Variants in PCDHA11 observed in about 807,000 individuals in gnomAD.
The protein encoded by PCDHA11 is protocadherin alpha 11.
PCDHA11 carries 61 observed loss-of-function variants against 70.3 expected under a neutral mutation model. That is an observed-to-expected ratio of 0.87 (90% CI 0.71 to 1.07). The LOEUF is 1.07. Ranked by LOEUF, PCDHA11 falls within the 50% of genes least tolerant of loss-of-function variation. The probability of loss-of-function intolerance (pLI) is 0.00; values close to 1 mark genes in which losing one functional copy is unlikely to be tolerated. For missense variants in PCDHA11, 1,324 were observed against 1,237.5 expected, an observed-to-expected ratio of 1.07 and a Z score of -1.05; for synonymous variants, 633 against 555.1, an observed-to-expected ratio of 1.14 and a Z score of -1.97.
chr5:140,957,555 A>G (rs911734380), intron 1 of PCDHA11, among the ~76,000 whole-genome samples: 4 of 152,120 alleles, frequency 2.6e-5, no homozygotes, highest in Admixed American at 2.6e-4. Flanking sequence ...TTCTCTGTGG[A>G]AAAGGAGGGA....
chr5:140,868,985 C>A lies in PCDHA11; in HGVS notation c.-119C>A. The A allele has an allele frequency of 1.3e-6, 2 of 1,500,940 alleles. No homozygotes were observed. Among genetic ancestry groups the A allele is most frequent in the Non-Finnish European group, 1.8e-6 (2 of 1,123,416 alleles). The allele number at this position is 1,500,940 out of a possible 1,614,324, so 93.0% of individuals were successfully genotyped here. On this transcript the variant is annotated 5_prime_UTR_variant, in exon 1 of 4. Coordinates refer to ENST00000398640, the MANE Select transcript of PCDHA11 (RefSeq NM_018902.5). ...CAAAGGAACTCCATCATACCGGATG[C>A]CACCGTTTAAGGATCCTTTGAAACT...
rs146492633 is a variant in PCDHA11 at position 140,900,696 on chromosome 5, G to A, written c.2391+29202G>A. Among the ~76,000 whole-genome samples the A allele has an allele frequency of 2.2e-4, 33 of 152,256 alleles. No homozygotes were observed. The East Asian group carries it at 5.8e-3, about 27-fold the overall frequency. ...TTATCTCTTCAATATACTGATTTCC[G>A]TTCTTTTGGAAAGAAAGGAAATCCT... is the stretch of plus-strand genomic sequence containing the variant. On this transcript the variant is annotated intron_variant, in intron 1 of 3. Transcript: ENST00000398640.
In PCDHA11 at chr5:140,870,253, G is replaced by A. The variant is rs782678686; in HGVS notation, c.1150G>A (p.Val384Met). The A allele has an allele frequency of 1.2e-6, 2 of 1,614,196 alleles. No individual in the cohort carries two copies. Among genetic ancestry groups the A allele is most frequent in the Non-Finnish European group, 1.7e-6 (2 of 1,180,024 alleles). The change falls in exon 1 of 4, where the codon GTG becomes ATG. Residue 384 changes from valine (V) to methionine (M), a missense_variant. Coordinates refer to ENST00000398640, the MANE Select transcript of PCDHA11 (RefSeq NM_018902.5). The part of the protein sequence containing the change: ...SDRDSGVNGQ[V>M]TCSLTPHVPF... ...CCGTGACTCAGGTGTCAACGGACAG[G>A]TGACCTGCTCGCTGACGCCCCACGT...
chr5:140,943,603 G>A (rs1554215788), intron 1 of PCDHA11, among the ~76,000 whole-genome samples: 1 of 152,100 alleles, frequency 6.6e-6, no homozygotes, highest in African/African-American at 2.4e-5. Context: ...TCTAAATATA[G>A]ACTTTGATTC....
Position 140,869,920 on chromosome 5 carries a change from G to GTC in PCDHA11, c.818_819dup (p.Asn274SerfsTer5). 1 of 1,611,398 alleles carries GTC rather than the reference G, an allele frequency of 6.2e-7. No individual in the cohort carries two copies. Among genetic ancestry groups the GTC allele is most frequent in the Non-Finnish European group, 8.5e-7 (1 of 1,178,670 alleles). ...AAACGCCACAGACCGAGACGAAGGA[G>GTC]TCAATGGAGAGGTAACATACTCCTT... is the stretch of plus-strand genomic sequence containing the variant. On this transcript the variant is annotated frameshift_variant, in exon 1 of 4. Coordinates refer to ENST00000398640, the MANE Select transcript of PCDHA11 (RefSeq NM_018902.5). LOFTEE classifies it high-confidence loss of function.
intron 1 of PCDHA11, among the ~76,000 whole-genome samples, chr5:140,938,848 G>T (rs1554212426): frequency 6.6e-6 from 1 of 151,980 alleles, no homozygotes; most frequent in Non-Finnish European, 1.5e-5. Flanking sequence ...ACCTGCCCAT[G>T]TACCCCTGAA....
intron 1 of PCDHA11, among the ~76,000 whole-genome samples, chr5:140,962,075 C>T (rs999623991): frequency 6.6e-6 from 1 of 151,836 alleles, no homozygotes; most frequent in South Asian, 2.1e-4. Context: ...TTAGTAGAGA[C>T]GGGGTTTCAC....
Position 140,871,172 on chromosome 5 carries a change from C to A in PCDHA11, c.2069C>A (p.Ala690Asp). ...RTLAGAASPE[A>D]ALVDVNVYLI... ...TTGGCGGGCGCCGCGAGCCCAGAGGCTGCGCTGGTGGATGTCAACGTGTAC... is the reference window on the plus strand; with the variant it reads ...TTGGCGGGCGCCGCGAGCCCAGAGGATGCGCTGGTGGATGTCAACGTGTAC... Residue 690 changes from alanine to aspartate, a missense_variant, in exon 1 of 4, where the codon GCT becomes GAT. By Grantham distance (126) the Ala-to-Asp change is moderately radical. Coordinates refer to ENST00000398640, the MANE Select transcript of PCDHA11 (RefSeq NM_018902.5). The A allele has an allele frequency of 6.2e-7, 1 of 1,613,546 alleles. No homozygotes were observed. The highest frequency in any genetic ancestry group is 1.1e-5 in the South Asian group (1 of 91,088).
Position 140,869,020 on chromosome 5 carries a change from T to C in PCDHA11, c.-84T>C. On this transcript the variant is annotated 5_prime_UTR_variant, in exon 1 of 4. Transcript: ENST00000398640. ...AGGATCCTTTGAAACTTCTTAAGAA[T>C]TCAACGAGATTTTTAACCTGAAACT... The C allele has an allele frequency of 5.2e-6, 8 of 1,525,458 alleles. No individual in the cohort carries two copies. Among genetic ancestry groups the C allele is most frequent in the Non-Finnish European group, 7.0e-6 (8 of 1,141,086 alleles). 94.5% of individuals were successfully genotyped at this position (1,525,458 alleles called of 1,614,324 possible). A position where few individuals can be genotyped will look rare whatever the true frequency, so the allele number is the denominator to read the frequency against.
chr5:140,927,191 T>C, intron 1 of PCDHA11: 16 of 1,614,144 alleles, frequency 9.9e-6, no homozygotes, highest in Non-Finnish European at 1.4e-5. Context: ...TACGACCTGG[T>C]GCTCGAGGAC....
chr5:140,997,831 A>G (rs938860065), intron 3 of PCDHA11, among the ~76,000 whole-genome samples: 3 of 152,210 alleles, frequency 2.0e-5, no homozygotes, highest in African/African-American at 4.8e-5. Context: ...TTTCTAAACA[A>G]TACAATATAC....
chr5:140,940,076 T>C (rs1469877434), intron 1 of PCDHA11, among the ~76,000 whole-genome samples: 2 of 152,230 alleles, frequency 1.3e-5, no homozygotes, highest in Non-Finnish European at 2.9e-5. Flanking sequence ...ATGTGATATC[T>C]TTCTGCTAAA....
rs543069895 is a variant in PCDHA11, at chr5:140,958,338, G to A, written c.2392-20611G>A. 2.0e-4 allele frequency among the ~76,000 whole-genome samples: 30 copies of A among 152,108 alleles called. No homozygotes were observed. In the South Asian group the frequency reaches 6.0e-3, roughly 31 times the overall value. ...GAGCTCAAAAAATAAATAAATCACA[G>A]GAAGTTCACAGTCTGACTTTATCAG... On this transcript the variant is annotated intron_variant, in intron 1 of 3. Transcript: ENST00000398640.
Position 140,943,601 on chromosome 5 carries a change from T to C in PCDHA11, c.2392-35348T>C, listed in dbSNP as rs148231077. ...TCTGAGTGGGGCTGAATTCTAAATA[T>C]AGACTTTGATTCATCTGCATAAGGA... On this transcript the variant is annotated intron_variant, in intron 1 of 3. Coordinates refer to ENST00000398640, the MANE Select transcript of PCDHA11 (RefSeq NM_018902.5). Among the ~76,000 whole-genome samples the C allele has an allele frequency of 1.9e-3, 291 of 152,290 alleles. 2 individuals carry two copies. The highest frequency in any genetic ancestry group is 6.6e-3 in the African/African-American group (276 of 41,566).
At chr5:140,908,493 G>A (rs545927854) in intron 1 of PCDHA11, among the ~76,000 whole-genome samples, 1 of 152,152 alleles carries the variant, frequency 6.6e-6, no homozygotes, top group African/African-American at 2.4e-5. Flanking sequence ...AGTTCAGGTT[G>A]CTTGGTGACT....
rs2051525824 is a variant in PCDHA11 at position 140,869,951 on chromosome 5, C to G, written c.848C>G (p.Ser283Ter). ...VNGEVTYSLM[S>*]IKPNGRHLFT... ...GGAGAGGTAACATACTCCTTAATGT[C>G]AATTAAGCCCAATGGAAGACACTTA... The change falls in exon 1 of 4, where the codon TCA (serine) becomes TGA (stop). Residue 283 changes from serine (S) to a stop codon, truncating the protein, a stop_gained. Transcript: ENST00000398640. LOFTEE classifies it high-confidence loss of function. 1 of 1,611,984 alleles carries G rather than the reference C, an allele frequency of 6.2e-7. No homozygotes were observed.
chr5:140,921,268 C>G (rs2080134153), intron 1 of PCDHA11, among the ~76,000 whole-genome samples: 1 of 151,980 alleles, frequency 6.6e-6, no homozygotes, highest in Non-Finnish European at 1.5e-5. Context: ...GACTTTTATA[C>G]TTACTTGAAA....
chr5:140,973,167 C>A (rs554202231), intron 1 of PCDHA11, among the ~76,000 whole-genome samples: 44 of 152,284 alleles, frequency 2.9e-4, no homozygotes, highest in Admixed American at 2.4e-3. Context: ...TTTGTAGTCA[C>A]CAAACCTTCA....
At chr5:140,894,652 A>G (rs578187402) in intron 1 of PCDHA11, among the ~76,000 whole-genome samples, 234 of 151,944 alleles carry the variant, frequency 1.5e-3, no homozygotes, top group African/African-American at 4.9e-3. Flanking sequence ...GAGTCTCTCT[A>G]ATTCTGATTT....
Sources: allele counts gnomAD v4.1 joint callset (sites outside exome capture counted in the v4.1 genomes callset), GRCh38; gene constraint gnomAD v4.1.1; transcripts MANE v1.5; gene names NCBI Gene and HGNC (gene_info 2026-07-23, HGNC 2026-07-21).